ASAP1: variants seen among roughly 807,000 people sequenced by gnomAD.
The protein encoded by ASAP1 is ArfGAP with SH3 domain, ankyrin repeat and PH domain 1.
In ASAP1, 43 loss-of-function variants were observed where a neutral mutation model predicts 145.2. That is an observed-to-expected ratio of 0.30 (90% CI 0.23 to 0.38). ASAP1 has a LOEUF of 0.38. Ranked by LOEUF, ASAP1 falls within the 10% of genes least tolerant of loss-of-function variation. ASAP1 has a pLI of 1.00. For synonymous variants in ASAP1, 546 were observed against 515.5 expected (o/e 1.06, Z -0.80); for missense variants, 1,018 against 1,355.3 (o/e 0.75, Z 3.91).
chr8:130,328,104 G>C (rs1177382683), intron 3 of ASAP1, among the ~76,000 whole-genome samples: 1 of 152,086 alleles, frequency 6.6e-6, no homozygotes. Flanking sequence ...CTGAGCACTT[G>C]AACTCTGGTG....
intron 4 of ASAP1, among the ~76,000 whole-genome samples, chr8:130,230,978 T>C (rs985820805): frequency 3.3e-5 from 5 of 152,186 alleles, no homozygotes; most frequent in African/African-American, 9.6e-5. Context: ...ATTCACACTA[T>C]ACCTTCAAGT....
At chr8:130,267,146 C>G (rs980174596) in intron 3 of ASAP1, among the ~76,000 whole-genome samples, 2 of 144,570 alleles carry the variant, frequency 1.4e-5, no homozygotes, top group Non-Finnish European at 3.1e-5. Flanking sequence ...AAACAAAAAA[C>G]AAAACAAAAA....
chr8:130,211,128 G>A (rs1398520295), intron 5 of ASAP1, among the ~76,000 whole-genome samples: 2 of 152,088 alleles, frequency 1.3e-5, no homozygotes, highest in Non-Finnish European at 2.9e-5. Context: ...ATAGCCTCTC[G>A]AATCCTATGT....
chr8:130,266,302 C>G (rs1820240336), intron 3 of ASAP1, among the ~76,000 whole-genome samples: 2 of 152,066 alleles, frequency 1.3e-5, no homozygotes, highest in South Asian at 4.1e-4. Flanking sequence ...GTGGAATCCA[C>G]TCTCAAGCTG....
At chr8:130,269,757 C>T (rs1303949918) in intron 3 of ASAP1, among the ~76,000 whole-genome samples, 1 of 152,162 alleles carries the variant, frequency 6.6e-6, no homozygotes, top group Non-Finnish European at 1.5e-5. Flanking sequence ...TGGATTCATG[C>T]AAGGGTAGAA....
intron 25 of ASAP1, among the ~76,000 whole-genome samples, chr8:130,086,786 A>T (rs536858943): frequency 2.7e-4 from 41 of 152,334 alleles, no homozygotes; most frequent in African/African-American, 9.9e-4. Context: ...CCTGGGTGAC[A>T]GAATAAGACC....
At chr8:130,209,238 T>C (rs1816424627) in intron 5 of ASAP1, among the ~76,000 whole-genome samples, 1 of 152,224 alleles carries the variant, frequency 6.6e-6, no homozygotes, top group Non-Finnish European at 1.5e-5. Context: ...TTCCCCATTC[T>C]ACTAGTGAGG....
chr8:130,215,218 A>G (rs886596521), intron 4 of ASAP1, among the ~76,000 whole-genome samples: 1 of 152,096 alleles, frequency 6.6e-6, no homozygotes, highest in Non-Finnish European at 1.5e-5. Context: ...TTTCTTTCAT[A>G]GAATTTAGCT....
At chr8:130,235,360 A>C (rs1818152507) in intron 4 of ASAP1, among the ~76,000 whole-genome samples, 1 of 152,148 alleles carries the variant, frequency 6.6e-6, no homozygotes, top group Admixed American at 6.6e-5. Flanking sequence ...TCCTAAGTTC[A>C]GCATCTGATG....
chr8:130,107,481 G>T (rs377012735), intron 24 of ASAP1, among the ~76,000 whole-genome samples: 1 of 150,844 alleles, frequency 6.6e-6, no homozygotes, highest in African/African-American at 2.4e-5. Context: ...CACCATGCCC[G>T]GCCCATAGTC....
chr8:130,280,086 A>G (rs1205714393), intron 3 of ASAP1, among the ~76,000 whole-genome samples: 1 of 152,170 alleles, frequency 6.6e-6, no homozygotes, highest in Non-Finnish European at 1.5e-5. Flanking sequence ...AGTGTTCTTG[A>G]CTATTTTGCT....
At chr8:130,161,322 A>G (rs1395658608) in intron 11 of ASAP1, among the ~76,000 whole-genome samples, 1 of 152,210 alleles carries the variant, frequency 6.6e-6, no homozygotes, top group Non-Finnish European at 1.5e-5. Flanking sequence ...TGTGTACGAA[A>G]TACCTTTAAC....
intron 23 of ASAP1, among the ~76,000 whole-genome samples, chr8:130,114,087 C>T (rs1474608291): frequency 1.3e-5 from 2 of 152,180 alleles, no homozygotes; most frequent in African/African-American, 4.8e-5. Flanking sequence ...CAGTTATGGA[C>T]TTTCAATAAA....
chr8:130,133,775 T>C (rs1018172740), intron 15 of ASAP1, among the ~76,000 whole-genome samples: 14 of 152,304 alleles, frequency 9.2e-5, no homozygotes, highest in African/African-American at 3.1e-4. Flanking sequence ...TTATTGACTC[T>C]GTTCACCCCA....
chr8:130,356,069 G>A (rs1826288691), intron 3 of ASAP1, among the ~76,000 whole-genome samples: 1 of 146,024 alleles, frequency 6.8e-6, no homozygotes, highest in Admixed American at 6.9e-5. Flanking sequence ...TCTTACAACA[G>A]TATTTCTCAT....
intron 24 of ASAP1, among the ~76,000 whole-genome samples, chr8:130,092,963 G>C (rs533529760): frequency 3.2e-4 from 48 of 148,796 alleles, no homozygotes; most frequent in Non-Finnish European, 5.8e-4. Context: ...AAAAATTAAG[G>C]CTTTTCTAAA....
At chr8:130,226,432 CTG>C (rs1403859199) in intron 4 of ASAP1, among the ~76,000 whole-genome samples, 1 of 152,202 alleles carries the variant, frequency 6.6e-6, no homozygotes, top group Non-Finnish European at 1.5e-5. Flanking sequence ...CCACCACTAA[CTG>C]TATTAGTCTA....
At chr8:130,179,618 C>G (rs573594721) in intron 8 of ASAP1, among the ~76,000 whole-genome samples, 1 of 152,118 alleles carries the variant, frequency 6.6e-6, no homozygotes, top group African/African-American at 2.4e-5. Flanking sequence ...ATTATTTCCC[C>G]TTGGTGCAGT....
intron 1 of ASAP1, among the ~76,000 whole-genome samples, chr8:130,434,729 C>T (rs1251550922): frequency 6.6e-6 from 1 of 152,102 alleles, no homozygotes; most frequent in Non-Finnish European, 1.5e-5. Context: ...ATCACAAACG[C>T]AATGACATGC....
Sources: gnomAD v4.1 joint callset for allele counts (sites outside exome capture counted in the v4.1 genomes callset) on GRCh38, gnomAD v4.1.1 for gene constraint, MANE v1.5 for transcripts, NCBI Gene and HGNC (gene_info 2026-07-23, HGNC 2026-07-21) for gene names.